Variants in IL2RA observed in about 807,000 individuals in gnomAD.
IL2RA encodes interleukin-2 receptor subunit alpha.
IL2RA carries 24 observed loss-of-function variants against 37.8 expected under a neutral mutation model. The ratio of observed to expected loss-of-function variants is 0.63; its 90% CI spans 0.46 to 0.89. The LOEUF is 0.89. IL2RA is among the 40% of genes least tolerant of loss of function. The pLI is 0.00. For missense variants in IL2RA, 319 were observed against 348.6 expected (o/e 0.92, Z 0.68); for synonymous variants, 125 against 114.6 (o/e 1.09, Z -0.58).
chr10:6,060,861 C>T (rs1840112416), intron 1 of IL2RA, among the ~76,000 whole-genome samples: 2 of 152,308 alleles, frequency 1.3e-5, no homozygotes, highest in East Asian at 1.9e-4. Flanking sequence ...TGACTGGGCA[C>T]TTCCCCTAAA....
intron 1 of IL2RA, among the ~76,000 whole-genome samples, chr10:6,061,741 A>C (rs185915594): frequency 3.9e-5 from 6 of 152,318 alleles, no homozygotes; most frequent in Admixed American, 1.3e-4. Context: ...GCAGAGAATA[A>C]AAGGAAATTC....
chr10:6,030,840 T>C (rs1246985883), intron 1 of IL2RA, among the ~76,000 whole-genome samples: 1 of 152,140 alleles, frequency 6.6e-6, no homozygotes, highest in Non-Finnish European at 1.5e-5. Context: ...GCAGTCCTAG[T>C]ATAAAAGTTA....
rs1360974382 is a variant in IL2RA, at chr10:6,035,402, C to G, written c.65-9377G>C. Among the ~76,000 whole-genome samples, 1 of 152,208 alleles carries G rather than the reference C, an allele frequency of 6.6e-6. No individual in the cohort carries two copies. The highest frequency in any genetic ancestry group is 1.5e-5 in the Non-Finnish European group (1 of 68,030). On this transcript the variant is annotated intron_variant, in intron 1 of 7. Transcript: ENST00000379959. This position sits in a 1 kb window ranked among gnomAD's most constrained non-coding sequence, Gnocchi z 5.4. Reference sequence around the variant, plus strand: ...TGGGCTTCCCAAAGCCACATTCAGGCAGGACGGAGCTGCTCTTGCACACGG... The same window carrying G: ...TGGGCTTCCCAAAGCCACATTCAGGGAGGACGGAGCTGCTCTTGCACACGG...
At chr10:6,031,184 A>G (rs913593703) in intron 1 of IL2RA, among the ~76,000 whole-genome samples, 3 of 151,844 alleles carry the variant, frequency 2.0e-5, no homozygotes, top group Non-Finnish European at 4.4e-5. Flanking sequence ...TTCAGACTGG[A>G]TTAAACAGCA....
rs1267145889 is a variant in IL2RA, at chr10:6,047,614, A to T, written c.64+14474T>A. Among the ~76,000 whole-genome samples the T allele has an allele frequency of 1.3e-5, 2 of 151,544 alleles. No homozygotes were observed. Among genetic ancestry groups the T allele is most frequent in the African/African-American group, 4.8e-5 (2 of 41,356 alleles). ...AATATGAAGGATAATTAACGTATCT[A>T]TTATTTTATTAGACATCACAATTCA... On this transcript the variant is annotated intron_variant, in intron 1 of 7. Coordinates refer to ENST00000379959, the MANE Select transcript of IL2RA (RefSeq NM_000417.3). This position sits in a 1 kb window ranked among gnomAD's most constrained non-coding sequence, Gnocchi z 5.0.
intron 1 of IL2RA, among the ~76,000 whole-genome samples, chr10:6,041,513 G>A (rs1019978736): frequency 6.6e-6 from 1 of 152,096 alleles, no homozygotes; most frequent in Admixed American, 6.5e-5. Context: ...TTTAACAGAA[G>A]ACAAGAAAAG....
At position 6,015,501 on chromosome 10, in the gene IL2RA, A is replaced by G. The variant is rs1839261216; in HGVS notation, c.794+2552T>C. Among the ~76,000 whole-genome samples the G allele has an allele frequency of 6.6e-6, 1 of 152,182 alleles. No individual in the cohort carries two copies. The highest frequency in any genetic ancestry group is 1.5e-5 in the Non-Finnish European group (1 of 68,030). On this transcript the variant is annotated intron_variant, in intron 7 of 7. Coordinates refer to ENST00000379959, the MANE Select transcript of IL2RA (RefSeq NM_000417.3). The surrounding 1 kb of genome is among the most constrained non-coding windows in gnomAD (Gnocchi z 4.9). ...GATAGAAATACAGATTCCTGGACCT[A>G]AGCAAGACGACTGCGTCAGAAACTC...
At chr10:6,013,951 C>A (rs1049663143) in intron 7 of IL2RA, among the ~76,000 whole-genome samples, 4 of 151,678 alleles carry the variant, frequency 2.6e-5, no homozygotes, top group Non-Finnish European at 5.9e-5. Flanking sequence ...CCCACCTCGC[C>A]CTTACCAGTA....
chr10:6,024,182 A>T (rs1278952570), intron 3 of IL2RA, 62 bp downstream of exon 3: 2 of 1,083,372 alleles, frequency 1.8e-6, no homozygotes, highest in Non-Finnish European at 2.9e-6. Context: ...GGTACACATC[A>T]TCTGCCTGCA....
chr10:6,014,960 T>C lies in IL2RA; in HGVS notation c.795-2064A>G, dbSNP rs2132843335. On this transcript the variant is annotated intron_variant, in intron 7 of 7. Transcript: ENST00000379959. The surrounding 1 kb of genome is among the most constrained non-coding windows in gnomAD (Gnocchi z 4.4). ...GGAGTGGATCTGTATTTTCTCAGGG[T>C]CTTACTGTGGAGTTTGTATCAGGGT... Among the ~76,000 whole-genome samples the C allele has an allele frequency of 6.6e-6, 1 of 152,236 alleles. No homozygotes were observed. The highest frequency in any genetic ancestry group is 1.5e-5 in the Non-Finnish European group (1 of 68,012).
At chr10:6,055,146 A>T (rs1371621729) in intron 1 of IL2RA, among the ~76,000 whole-genome samples, 1 of 152,188 alleles carries the variant, frequency 6.6e-6, no homozygotes, top group Non-Finnish European at 1.5e-5. Flanking sequence ...CTTAGGCGGT[A>T]ACCCCTGACC....
In IL2RA at chr10:6,018,470, C is replaced by T. The variant is rs12722588; in HGVS notation, c.728-351G>A. Among the ~76,000 whole-genome samples the T allele has an allele frequency of 0.18, 27,568 of 152,034 alleles. 2,604 individuals carry two copies. Among genetic ancestry groups the T allele is most frequent in the African/African-American group, 0.23 (9,394 of 41,458 alleles). ...GATGATGAGAAGCACATTAACATCT[C>T]CTGAAAGAGGTCGGGTTTTCCAGAT... On this transcript the variant is annotated intron_variant, in intron 6 of 7. Coordinates refer to ENST00000379959, the MANE Select transcript of IL2RA (RefSeq NM_000417.3). The surrounding 1 kb of genome is among the most constrained non-coding windows in gnomAD (Gnocchi z 5.1).
rs1175957771 is a variant in IL2RA at position 6,033,436 on chromosome 10, A to G, written c.65-7411T>C. Among the ~76,000 whole-genome samples, 7 of 152,234 alleles carry G rather than the reference A, an allele frequency of 4.6e-5. No individual in the cohort carries two copies. Among genetic ancestry groups the G allele is most frequent in the Admixed American group, 4.6e-4 (7 of 15,290 alleles). The stretch of plus-strand genomic sequence containing the variant: ...CTAAGAGGAATGAAGGGATGTGTCT[A>G]CAGAAAGACTTTTATAAAATATTTA... On this transcript the variant is annotated intron_variant, in intron 1 of 7. Transcript: ENST00000379959. The surrounding 1 kb of genome is among the most constrained non-coding windows in gnomAD (Gnocchi z 4.3).
In IL2RA at chr10:6,028,510, T is replaced by A. The variant is rs1332271970; in HGVS notation, c.65-2485A>T. ...TTACAAAGATTAAAACCAAGCCTAA[T>A]AGACAAGAGGATGCGCTAGTCATTT... On this transcript the variant is annotated intron_variant, in intron 1 of 7. Coordinates refer to ENST00000379959, the MANE Select transcript of IL2RA (RefSeq NM_000417.3). This position sits in a 1 kb window ranked among gnomAD's most constrained non-coding sequence, Gnocchi z 4.1. Among the ~76,000 whole-genome samples the A allele has an allele frequency of 6.6e-6, 1 of 152,156 alleles. No individual in the cohort carries two copies. The highest frequency in any genetic ancestry group is 6.5e-5 in the Admixed American group (1 of 15,274).
rs557869407 is a variant in IL2RA, at chr10:6,054,165, G to A, written c.64+7923C>T. 1.3e-5 allele frequency among the ~76,000 whole-genome samples: 2 copies of A among 152,350 alleles called. No homozygotes were observed. Among genetic ancestry groups the A allele is most frequent in the East Asian group, 1.9e-4 (1 of 5,184 alleles). ...TAAGCAGGATGCCTGGATCCGGGTC[G>A]AGGGCTGCAGGCGGAGCTGCTGGTC... On this transcript the variant is annotated intron_variant, in intron 1 of 7. Coordinates refer to ENST00000379959, the MANE Select transcript of IL2RA (RefSeq NM_000417.3). The surrounding 1 kb of genome is among the most constrained non-coding windows in gnomAD (Gnocchi z 4.5).
chr10:6,041,194 T>G (rs891249566), intron 1 of IL2RA, among the ~76,000 whole-genome samples: 1 of 149,594 alleles, frequency 6.7e-6, no homozygotes, highest in Non-Finnish European at 1.5e-5. Flanking sequence ...CTTGGCTCAC[T>G]GCAAGCTCCG....
chr10:6,022,304 A>G lies in IL2RA; in HGVS notation c.368-611T>C, dbSNP rs1839401203. Among the ~76,000 whole-genome samples the G allele has an allele frequency of 6.6e-6, 1 of 152,284 alleles. No individual in the cohort carries two copies. The highest frequency in any genetic ancestry group is 1.5e-5 in the Non-Finnish European group (1 of 68,016). On this transcript the variant is annotated intron_variant, in intron 3 of 7. Transcript: ENST00000379959. The surrounding 1 kb of genome is among the most constrained non-coding windows in gnomAD (Gnocchi z 4.7). Reference sequence around the variant, plus strand: ...ACCATCTCTGATCAAGCCACACCTGAAGGTTGACACACATGCGCCCTTTCA... The same window carrying G: ...ACCATCTCTGATCAAGCCACACCTGGAGGTTGACACACATGCGCCCTTTCA...
chr10:6,054,851 T>A lies in IL2RA; in HGVS notation c.64+7237A>T, dbSNP rs1391342102. Among the ~76,000 whole-genome samples, 1 of 152,158 alleles carries A rather than the reference T, an allele frequency of 6.6e-6. No homozygotes were observed. The highest frequency in any genetic ancestry group is 1.5e-5 in the Non-Finnish European group (1 of 68,022). On this transcript the variant is annotated intron_variant, in intron 1 of 7. Transcript: ENST00000379959. The surrounding 1 kb of genome is among the most constrained non-coding windows in gnomAD (Gnocchi z 4.5). ...GATCAATATTTGATCTTTCCCAGATTGGTTTTCCCTTTTTCTAATTTTTTT... is the reference window on the plus strand; with the variant it reads ...GATCAATATTTGATCTTTCCCAGATAGGTTTTCCCTTTTTCTAATTTTTTT...
rs896987899 is a variant in IL2RA, at chr10:6,056,089, C to A, written c.64+5999G>T. ...TTAGAGTGGAGAATACCTAAAATTTCTAGAGACAATTATATTATTGTTTTC... is the reference window on the plus strand; with the variant it reads ...TTAGAGTGGAGAATACCTAAAATTTATAGAGACAATTATATTATTGTTTTC... On this transcript the variant is annotated intron_variant, in intron 1 of 7. Coordinates refer to ENST00000379959, the MANE Select transcript of IL2RA (RefSeq NM_000417.3). This position sits in a 1 kb window ranked among gnomAD's most constrained non-coding sequence, Gnocchi z 5.0. 5.3e-5 allele frequency among the ~76,000 whole-genome samples: 8 copies of A among 152,160 alleles called. No homozygotes were observed. The highest frequency in any genetic ancestry group is 1.9e-4 in the African/African-American group (8 of 41,422).
Sources: allele counts gnomAD v4.1 joint callset (sites outside exome capture counted in the v4.1 genomes callset), GRCh38; gene constraint gnomAD v4.1.1; non-coding constraint Gnocchi (gnomAD v3.1); transcripts MANE v1.5; gene names NCBI Gene and HGNC (gene_info 2026-07-23, HGNC 2026-07-21).